The following TBC1D19 variants were observed in gnomAD, a reference collection of about 807,000 sequenced individuals.
The protein encoded by TBC1D19 is TBC1 domain family member 19.
A neutral mutation model predicts 89.0 loss-of-function variants in TBC1D19; 60 were observed. The observed-to-expected ratio is 0.67, with a 90% CI of 0.55 to 0.84. The LOEUF (loss-of-function observed/expected upper bound fraction) is 0.84, where lower values mean the gene tolerates loss of function less well. Among genes scored for constraint, TBC1D19 ranks in the 40% least tolerant of loss-of-function variants. The probability of loss-of-function intolerance (pLI) is 0.00; values close to 1 mark genes in which losing one functional copy is unlikely to be tolerated. For missense variants in TBC1D19, 500 were observed against 610.8 expected (o/e 0.82, Z 1.91); for synonymous variants, 189 against 199.7 (o/e 0.95, Z 0.45).
chr4:26,727,689 A>C (rs1158969694), intron 15 of TBC1D19, among the ~76,000 whole-genome samples: 1 of 152,224 alleles, frequency 6.6e-6, no homozygotes, highest in Non-Finnish European at 1.5e-5. Context: ...CACAGGATTC[A>C]AATTCATGTC....
intron 13 of TBC1D19, among the ~76,000 whole-genome samples, chr4:26,697,731 C>T (rs531238159): frequency 2.0e-5 from 3 of 152,288 alleles, no homozygotes; most frequent in South Asian, 4.1e-4. Flanking sequence ...AAACCAAATC[C>T]AGCATATAAA....
At chr4:26,750,047 C>T (rs1718864542) in intron 19 of TBC1D19, among the ~76,000 whole-genome samples, 1 of 152,178 alleles carries the variant, frequency 6.6e-6, no homozygotes, top group Non-Finnish European at 1.5e-5. Flanking sequence ...TTATCCTCTG[C>T]TGGGACACTT....
chr4:26,803,702 G>A, the TBC1D19 span, among the ~76,000 whole-genome samples: 3 of 152,172 alleles, frequency 2.0e-5, no homozygotes, highest in Non-Finnish European at 4.4e-5. Flanking sequence ...TTAACAGGGA[G>A]TAGGAGTGAG....
chr4:26,784,349 C>T, the TBC1D19 span, among the ~76,000 whole-genome samples: 3 of 152,272 alleles, frequency 2.0e-5, no homozygotes, highest in East Asian at 3.9e-4. Flanking sequence ...ACTACCATCT[C>T]TTTGTTCCAT....
chr4:26,681,022 T>C (rs1343038347), intron 11 of TBC1D19, among the ~76,000 whole-genome samples: 1 of 152,178 alleles, frequency 6.6e-6, no homozygotes, highest in Non-Finnish European at 1.5e-5. Context: ...GAATGACAAA[T>C]CATTGAAATG....
chr4:26,803,648 A>C, the TBC1D19 span, among the ~76,000 whole-genome samples: 1 of 152,164 alleles, frequency 6.6e-6, no homozygotes, highest in Non-Finnish European at 1.5e-5. Flanking sequence ...TCGCGCTGCC[A>C]GTTGTCTCAT....
At chr4:26,618,363 T>G (rs1235231978) in intron 3 of TBC1D19, among the ~76,000 whole-genome samples, 1 of 151,852 alleles carries the variant, frequency 6.6e-6, no homozygotes, top group Non-Finnish European at 1.5e-5. Context: ...TAAGCTAGAG[T>G]TTCTCAGGGG....
chr4:26,670,154 A>T (rs548829041), intron 9 of TBC1D19, among the ~76,000 whole-genome samples: 38 of 151,666 alleles, frequency 2.5e-4, no homozygotes, highest in African/African-American at 9.2e-4. Context: ...AAGTCTCAGA[A>T]ATCATAGCTG....
At chr4:26,685,553 AT>A (rs1265381887) in intron 12 of TBC1D19, among the ~76,000 whole-genome samples, 1 of 152,220 alleles carries the variant, frequency 6.6e-6, no homozygotes, top group Non-Finnish European at 1.5e-5. Flanking sequence ...AAAGAAAGAA[AT>A]TTGTTTAAAT....
At chr4:26,773,759 A>G in the TBC1D19 span, among the ~76,000 whole-genome samples, 1 of 152,200 alleles carries the variant, frequency 6.6e-6, no homozygotes, top group Non-Finnish European at 1.5e-5. Flanking sequence ...AGGATTGTCA[A>G]AGATCAGATG....
intron 15 of TBC1D19, among the ~76,000 whole-genome samples, chr4:26,720,744 T>A (rs1716918708): frequency 6.6e-6 from 1 of 152,096 alleles, no homozygotes; most frequent in South Asian, 2.1e-4. Context: ...GTTAAGAACA[T>A]GGGTTTTGTA....
the TBC1D19 span, among the ~76,000 whole-genome samples, chr4:26,815,240 G>C: frequency 5.3e-5 from 8 of 152,302 alleles, no homozygotes; most frequent in East Asian, 1.5e-3. Context: ...AAATTCACCA[G>C]AAATATATTT....
chr4:26,672,320 C>G (rs1379576538), intron 10 of TBC1D19, 133 bp downstream of exon 10: 5 of 673,988 alleles, frequency 7.4e-6, no homozygotes, highest in Non-Finnish European at 8.7e-6. Flanking sequence ...AATATTTAAC[C>G]ATGTAGATTA....
chr4:26,638,798 C>A lies in TBC1D19; in HGVS notation c.397C>A (p.Leu133Ile). ...GCCAGTTGGAGAACAGAAAGAACTT[C>A]TTAATAAATGGAATGAAATGGGAAC... Reference protein sequence around the residue: ...KRPVGEQKELLNKWNEMGTDE... With the variant: ...KRPVGEQKELINKWNEMGTDE... Residue 133 changes from leucine (L) to isoleucine (I), a missense_variant, in exon 6 of 21, where the codon CTT (leucine) becomes ATT (isoleucine). Around this residue, in one of 2 missense-constraint regions of TBC1D19, gnomAD observed 280 missense variants for 291.7 expected, o/e 0.96. Coordinates refer to ENST00000264866, the MANE Select transcript of TBC1D19 (RefSeq NM_018317.4). 6.2e-7 allele frequency: 1 copy of A among 1,611,180 alleles called. No individual in the cohort carries two copies. The highest frequency in any genetic ancestry group is 8.5e-7 in the Non-Finnish European group (1 of 1,179,210).
At chr4:26,726,617 T>G (rs2109285188) in intron 15 of TBC1D19, among the ~76,000 whole-genome samples, 1 of 152,332 alleles carries the variant, frequency 6.6e-6, no homozygotes, top group Non-Finnish European at 1.5e-5. Context: ...AATTTAATCA[T>G]TGTCCCAATC....
chr4:26,835,893 C>A, the TBC1D19 span, among the ~76,000 whole-genome samples: 14 of 152,190 alleles, frequency 9.2e-5, no homozygotes, highest in African/African-American at 3.1e-4. Flanking sequence ...TTATCTCTCC[C>A]CATTCTCTTC....
chr4:26,770,672 A>G, the TBC1D19 span, among the ~76,000 whole-genome samples: 19 of 152,112 alleles, frequency 1.2e-4, no homozygotes, highest in Non-Finnish European at 2.1e-4. Context: ...CATTAATCTC[A>G]AGTGCAGACA....
chr4:26,805,187 T>C, the TBC1D19 span, among the ~76,000 whole-genome samples: 1 of 152,186 alleles, frequency 6.6e-6, no homozygotes, highest in African/African-American at 2.4e-5. Context: ...ATTAAAAAAG[T>C]CCATAAAGGA....
At chr4:26,747,118 C>T (rs939769282) in intron 18 of TBC1D19, among the ~76,000 whole-genome samples, 1 of 152,132 alleles carries the variant, frequency 6.6e-6, no homozygotes, top group Admixed American at 6.5e-5. Context: ...GTAACTGAAA[C>T]CACAGAAAGT....
Sources: allele counts gnomAD v4.1 joint callset (sites outside exome capture counted in the v4.1 genomes callset), GRCh38; gene constraint gnomAD v4.1.1; regional missense constraint gnomAD v4.1.1; transcripts MANE v1.5; gene names NCBI Gene and HGNC (gene_info 2026-07-23, HGNC 2026-07-21).